Variants in PDIA6 observed in about 807,000 individuals in gnomAD.
The protein encoded by PDIA6 is protein disulfide isomerase family A member 6.
Under a neutral mutation model 58.4 loss-of-function variants are expected in PDIA6, and 29 were observed. The observed-to-expected ratio is 0.50, with a 90% CI of 0.37 to 0.68. The LOEUF (loss-of-function observed/expected upper bound fraction) is 0.68. Among genes scored for constraint, PDIA6 ranks in the 30% least tolerant of loss-of-function variants. PDIA6 has a pLI of 0.00. For synonymous variants in PDIA6, 192 were observed against 202.6 expected, an observed-to-expected ratio of 0.95 and a Z score of 0.44; for missense variants, 480 against 551.0, an observed-to-expected ratio of 0.87 and a Z score of 1.29.
At chr2:10,809,368 T>C (rs1441838333) in intron 1 of PDIA6, among the ~76,000 whole-genome samples, 1 of 152,070 alleles carries the variant, frequency 6.6e-6, no homozygotes, top group Non-Finnish European at 1.5e-5. Context: ...CAGTCCTAAC[T>C]CTGAATAAGC....
upstream of PDIA6, among the ~76,000 whole-genome samples, chr2:10,816,059 A>G (rs1281968818): frequency 2.0e-5 from 3 of 146,642 alleles, no homozygotes; most frequent in South Asian, 6.6e-4. Flanking sequence ...GGTACTTCAT[A>G]TAAGAGAAAT....
At position 10,793,742 on chromosome 2, in the gene PDIA6, C is replaced by G. The variant is rs374337542; in HGVS notation, c.347-540G>C. Among the ~76,000 whole-genome samples, 11 of 152,298 alleles carry G rather than the reference C, an allele frequency of 7.2e-5. 2 individuals carry two copies. Among genetic ancestry groups the G allele is most frequent in the East Asian group, 1.9e-4 (1 of 5,192 alleles). ...ACCATCTCCTAATGAGAATAACTCA[C>G]AAATGTTTACCGAACATGAACATGG... On this transcript the variant is annotated intron_variant, in intron 4 of 12. Transcript: ENST00000272227.
In PDIA6 at chr2:10,797,166, A is replaced by G. The variant is rs1297441892; in HGVS notation, c.261T>C (p.His87=). The change falls in exon 4 of 13, where the codon CAT becomes CAC. Residue 87 remains histidine (H), a synonymous_variant. Coordinates refer to ENST00000272227, the MANE Select transcript of PDIA6 (RefSeq NM_005742.4). ...KVGAVDADKH[H]SLGGQYGVQG... is the part of the protein sequence containing the mutation. ...GAACACCATACTGACCTCCTAGGGA[A>G]TGATGCTTATCTGCATCAACTGCAC... 5.0e-6 allele frequency: 8 copies of G among 1,611,234 alleles called. No homozygotes were observed. The highest frequency in any genetic ancestry group is 5.9e-6 in the Non-Finnish European group (7 of 1,177,696).
At chr2:10,827,772 C>T (rs984741301) in intron 1 of PDIA6, among the ~76,000 whole-genome samples, 3 of 149,450 alleles carry the variant, frequency 2.0e-5, no homozygotes, top group East Asian at 2.0e-4. Context: ...TGCAGTGAGC[C>T]GAGATCACGC....
chr2:10,786,052 G>A (rs1320730000), intron 11 of PDIA6, among the ~76,000 whole-genome samples: 32 of 152,140 alleles, frequency 2.1e-4, no homozygotes, highest in Admixed American at 2.0e-3. Context: ...GCCAGGCGTG[G>A]TGGCTCACAC....
intron 11 of PDIA6, 67 bp downstream of exon 11, chr2:10,787,213 CA>C (rs1291183320): frequency 7.1e-7 from 1 of 1,409,238 alleles, no homozygotes; most frequent in African/African-American, 1.4e-5. Flanking sequence ...TACCTAGTTC[CA>C]AATATAAACC....
At chr2:10,811,450 T>C (rs1424493582) in intron 1 of PDIA6, among the ~76,000 whole-genome samples, 1 of 152,100 alleles carries the variant, frequency 6.6e-6, no homozygotes, top group Non-Finnish European at 1.5e-5. Flanking sequence ...TGAACTATGA[T>C]GGAAACCCTG....
At chr2:10,800,879 G>T (rs1269798892) in intron 2 of PDIA6, among the ~76,000 whole-genome samples, 1 of 152,172 alleles carries the variant, frequency 6.6e-6, no homozygotes, top group African/African-American at 2.4e-5. Context: ...CCAAATTGCT[G>T]AAATTATAAT....
intron 1 of PDIA6, among the ~76,000 whole-genome samples, chr2:10,808,760 A>G (rs1213270888): frequency 6.6e-6 from 1 of 152,214 alleles, no homozygotes; most frequent in African/African-American, 2.4e-5. Flanking sequence ...GCTACCCCAA[A>G]CTAAGATATG....
chr2:10,820,978 T>C (rs1667370497), intron 1 of PDIA6: 2 of 648,936 alleles, frequency 3.1e-6, no homozygotes, highest in Non-Finnish European at 5.7e-6. Flanking sequence ...CTGACCCTGG[T>C]TAAGCAGGTC....
rs141134126 is a variant in PDIA6 at position 10,808,157 on chromosome 2, A to C, written c.19+4521T>G. Reference sequence around the variant, plus strand: ...AGGGTTATCATTCAGAGGAAAGAATAGATTTATGCTTTCTAGAAGGAGTAT... The same window carrying C: ...AGGGTTATCATTCAGAGGAAAGAATCGATTTATGCTTTCTAGAAGGAGTAT... On this transcript the variant is annotated intron_variant, in intron 1 of 12. Transcript: ENST00000272227. 9.3e-4 allele frequency among the ~76,000 whole-genome samples: 142 copies of C among 152,388 alleles called. 1 individual carries two copies. Among genetic ancestry groups the C allele is most frequent in the African/African-American group, 2.5e-3 (106 of 41,598 alleles).
At chr2:10,822,130 G>A (rs1434708460) in intron 1 of PDIA6, among the ~76,000 whole-genome samples, 2 of 151,512 alleles carry the variant, frequency 1.3e-5, no homozygotes, top group African/African-American at 2.4e-5. Context: ...GTAGAGATGG[G>A]GTTTCACCAT....
upstream of PDIA6, among the ~76,000 whole-genome samples, chr2:10,836,541 G>A (rs1237206945): frequency 1.5e-5 from 2 of 132,660 alleles, no homozygotes; most frequent in Non-Finnish European, 3.2e-5. Context: ...AACTTTTGCA[G>A]GCTTTTTTTT....
intron 10 of PDIA6, among the ~76,000 whole-genome samples, chr2:10,787,901 A>T (rs1665848084): frequency 6.6e-6 from 1 of 152,052 alleles, no homozygotes; most frequent in South Asian, 2.1e-4. Context: ...CCCCATCTCT[A>T]CTAAAATCAC....
chr2:10,790,938 C>A (rs983615363), intron 6 of PDIA6, 105 bp from the exon 7 acceptor site: 2 of 725,858 alleles, frequency 2.8e-6, no homozygotes, highest in Admixed American at 2.1e-5. Flanking sequence ...CAGCCTCAAT[C>A]TCCTGGGCTC....
At chr2:10,806,622 T>TAAAGAAGAAAG (rs1207473085) in intron 1 of PDIA6, among the ~76,000 whole-genome samples, 3 of 48,750 alleles carry the variant, frequency 6.2e-5, no homozygotes, top group Admixed American at 2.5e-4. Flanking sequence ...TCCTAAAAAA[T>TAAAGAAGAAAG]AAAGACAGAA....
At chr2:10,788,568 G>A (rs1284847151) in intron 10 of PDIA6, 129 bp downstream of exon 10, 66 of 602,908 alleles carry the variant, frequency 1.1e-4, no homozygotes, top group African/African-American at 8.0e-5. Context: ...AGGCAGGAGG[G>A]AAAAAAAAAA....
upstream of PDIA6, among the ~76,000 whole-genome samples, chr2:10,834,717 CCCTCCCTTCCTTCCCTCCTTCCTT>C (rs1469646440): frequency 5.4e-4 from 27 of 49,752 alleles, no homozygotes; most frequent in South Asian, 6.9e-3. Flanking sequence ...CTCCCTCCCT[CCCTCCCTTCCTTCCCTCCTTCCTT>C]CCTTCCTTCC....
At chr2:10,793,069 T>A (rs17455876) in intron 5 of PDIA6, 27 bp downstream of exon 5, 131,777 of 1,492,934 alleles carry the variant, frequency 0.088, 6,565 homozygotes, top group South Asian at 0.14. Context: ...TTATGACACA[T>A]TAAAAACTGA....
Sources: gnomAD v4.1 joint callset for allele counts (sites outside exome capture counted in the v4.1 genomes callset) on GRCh38, gnomAD v4.1.1 for gene constraint, MANE v1.5 for transcripts, NCBI Gene and HGNC (gene_info 2026-07-23, HGNC 2026-07-21) for gene names.